The following SEPTIN2 variants were observed in gnomAD, a reference collection of about 807,000 sequenced individuals.
The protein encoded by SEPTIN2 is septin-2.
In SEPTIN2, 34 loss-of-function variants were observed where a neutral mutation model predicts 46.5. The ratio of observed to expected loss-of-function variants is 0.73; its 90% confidence interval spans 0.56 to 0.97. The LOEUF (loss-of-function observed/expected upper bound fraction) is 0.97. SEPTIN2 is among the 50% of genes least tolerant of loss of function. The pLI is 0.00. For synonymous variants in SEPTIN2, 175 were observed against 153.4 expected (o/e 1.14, Z -1.04); for missense variants, 347 against 448.4 (o/e 0.77, Z 2.04).
chr2:241,343,598 G>A (rs959241666), intron 8 of SEPTIN2, among the ~76,000 whole-genome samples, 154 bp from the exon 9 acceptor site: 20 of 152,156 alleles, frequency 1.3e-4, no homozygotes, highest in South Asian at 1.0e-3. Context: ...GAAAGTATCT[G>A]ACACTTTTCA....
At chr2:241,338,199 T>C (rs1329902445) in intron 7 of SEPTIN2, among the ~76,000 whole-genome samples, 1 of 152,120 alleles carries the variant, frequency 6.6e-6, no homozygotes, top group Non-Finnish European at 1.5e-5. Flanking sequence ...TTTGGAAACA[T>C]AGCAGTTGTC....
intron 7 of SEPTIN2, among the ~76,000 whole-genome samples, chr2:241,341,842 C>T (rs1167625238): frequency 2.0e-5 from 3 of 152,246 alleles, no homozygotes; most frequent in Non-Finnish European, 2.9e-5. Flanking sequence ...GGCTCAGGTA[C>T]TGAGGTGAGA....
intron 1 of SEPTIN2, among the ~76,000 whole-genome samples, chr2:241,318,785 C>A (rs924353669): frequency 1.3e-5 from 2 of 151,160 alleles, no homozygotes; most frequent in Admixed American, 6.6e-5. Context: ...ACTGCACCCT[C>A]CACCTCCCGG....
intron 1 of SEPTIN2, chr2:241,316,882 T>C (rs1278600020): frequency 4.7e-6 from 1 of 211,434 alleles, no homozygotes; most frequent in Admixed American, 6.0e-5. Context: ...TAGTCTGTGC[T>C]TGTGGGATTC....
At chr2:241,322,791 A>G (rs545133556) in intron 1 of SEPTIN2, among the ~76,000 whole-genome samples, 4 of 152,100 alleles carry the variant, frequency 2.6e-5, no homozygotes, top group East Asian at 1.9e-4. Flanking sequence ...GTGGGTGGCA[A>G]ACATGTTCAA....
chr2:241,322,720 C>T (rs1418258291), intron 1 of SEPTIN2, among the ~76,000 whole-genome samples: 1 of 152,046 alleles, frequency 6.6e-6, no homozygotes, highest in African/African-American at 2.4e-5. Flanking sequence ...AAATGTAGTT[C>T]ACATTGCTCT....
At chr2:241,331,052 G>T (rs563471924) in intron 3 of SEPTIN2, among the ~76,000 whole-genome samples, 29 of 152,168 alleles carry the variant, frequency 1.9e-4, no homozygotes, top group Non-Finnish European at 2.4e-4. Flanking sequence ...GATGGTGGGT[G>T]CCTGTAATTT....
intron 5 of SEPTIN2, chr2:241,336,315 C>T: frequency 1.8e-6 from 1 of 550,894 alleles, no homozygotes. Context: ...ATCGCAAAGC[C>T]AGTCATCCAT....
chr2:241,335,856 T>C, intron 4 of SEPTIN2, 119 bp from the exon 5 acceptor site: 1 of 1,264,818 alleles, frequency 7.9e-7, no homozygotes, highest in Non-Finnish European at 1.1e-6. Flanking sequence ...CCCCATGGTA[T>C]CTTTGGAGAA....
intron 1 of SEPTIN2, among the ~76,000 whole-genome samples, chr2:241,322,899 C>T (rs369360128): frequency 3.8e-4 from 58 of 152,040 alleles, no homozygotes; most frequent in Middle Eastern, 3.4e-3. Flanking sequence ...AGTATGTATC[C>T]GTGTGTATCC....
At chr2:241,321,795 C>A (rs966376302) in intron 1 of SEPTIN2, among the ~76,000 whole-genome samples, 4 of 151,964 alleles carry the variant, frequency 2.6e-5, no homozygotes, top group African/African-American at 9.7e-5. Context: ...TTTGGAAGTT[C>A]TCATTGTTAT....
intron 8 of SEPTIN2, 131 bp from the exon 9 acceptor site, chr2:241,343,621 A>G (rs2150146987): frequency 2.1e-6 from 2 of 956,582 alleles, no homozygotes; most frequent in South Asian, 1.7e-5. Flanking sequence ...AAAATGTTAC[A>G]TACCCCCAGC....
chr2:241,333,467 C>T (rs1407904805), intron 3 of SEPTIN2, among the ~76,000 whole-genome samples: 3 of 152,186 alleles, frequency 2.0e-5, no homozygotes, highest in African/African-American at 7.2e-5. Flanking sequence ...TTGCAGTTCA[C>T]TTAAAATGCA....
At chr2:241,344,837 G>A (rs1443763455) in intron 9 of SEPTIN2, among the ~76,000 whole-genome samples, 2 of 152,184 alleles carry the variant, frequency 1.3e-5, no homozygotes, top group African/African-American at 4.8e-5. Context: ...AGGCCCAGGC[G>A]GGCGGATCAC....
At chr2:241,351,299 G>A (rs554166331) in intron 12 of SEPTIN2, 5 of 152,150 alleles carry the variant, frequency 3.3e-5, no homozygotes, top group African/African-American at 1.2e-4. Context: ...TGGGAAAGGT[G>A]TTCATTGTAA....
In SEPTIN2 at chr2:241,353,598, C is replaced by CA. The variant is rs1401197843; in HGVS notation, c.*1665dup. On this transcript the variant is annotated 3_prime_UTR_variant, in exon 13 of 13. Transcript: ENST00000391971. ...TCACTGTTGCTTAATTGTGAACAGC[C>CA]AAAAGCTATATGTTATGGCTTATTG... 1 of 152,208 alleles carries CA rather than the reference C, an allele frequency of 6.6e-6. No individual in the cohort carries two copies. The highest frequency in any genetic ancestry group is 1.5e-5 in the Non-Finnish European group (1 of 68,034). 9.4% of individuals were successfully genotyped at this position (152,208 alleles called of 1,614,324 possible).
At chr2:241,338,403 C>T (rs1239991010) in intron 7 of SEPTIN2, among the ~76,000 whole-genome samples, 1 of 151,146 alleles carries the variant, frequency 6.6e-6, no homozygotes, top group Non-Finnish European at 1.5e-5. Flanking sequence ...AATACAAATC[C>T]CTAACTGAAC....
Position 241,350,168 on chromosome 2 carries a change from C to T in SEPTIN2, c.1080C>T (p.His360=), listed in dbSNP as rs756783698. The T allele has an allele frequency of 2.5e-6, 4 of 1,611,612 alleles. No individual in the cohort carries two copies. The highest frequency in any genetic ancestry group is 2.5e-6 in the Non-Finnish European group (3 of 1,178,692). Reference sequence around the variant, plus strand: ...GCGATGGCGGGGCTCTCGGGCACCACGTGTAAGGTGATGTGCACATATCAA... The same window carrying T: ...GCGATGGCGGGGCTCTCGGGCACCATGTGTAAGGTGATGTGCACATATCAA... ...GDGDGGALGH[H]V is the part of the protein sequence containing the mutation. Residue 360 remains histidine (H), a synonymous_variant, in exon 12 of 13, where the codon CAC becomes CAT. Transcript: ENST00000391971.
intron 3 of SEPTIN2, among the ~76,000 whole-genome samples, chr2:241,332,173 A>G (rs1439491587): frequency 6.6e-6 from 1 of 152,258 alleles, no homozygotes; most frequent in Admixed American, 6.5e-5. Context: ...TGAAGAATAG[A>G]AATTATAAAA....
Sources: gnomAD v4.1 joint callset for allele counts (sites outside exome capture counted in the v4.1 genomes callset) on GRCh38, gnomAD v4.1.1 for gene constraint, MANE v1.5 for transcripts, NCBI Gene and HGNC (gene_info 2026-07-23, HGNC 2026-07-21) for gene names.